Variants in ADAM17 observed in about 807,000 individuals in gnomAD.
ADAM17 encodes the protein disintegrin and metalloproteinase domain-containing protein 17.
A neutral mutation model predicts 96.7 loss-of-function variants in ADAM17; 39 were observed. The ratio of observed to expected loss-of-function variants is 0.40; its 90% confidence interval spans 0.31 to 0.53. The LOEUF is 0.53. Ranked by LOEUF, ADAM17 falls within the 20% of genes least tolerant of loss-of-function variation. The pLI is 0.44. For synonymous variants in ADAM17, 344 were observed against 359.2 expected (o/e 0.96, Z 0.48); for missense variants, 777 against 1,013.2 (o/e 0.77, Z 3.17).
intron 1 of ADAM17, among the ~76,000 whole-genome samples, chr2:9,549,522 T>G (rs1011096657): frequency 1.3e-5 from 2 of 152,092 alleles, no homozygotes; most frequent in Admixed American, 1.3e-4. Flanking sequence ...TGGAAACGTG[T>G]GGGTTTTTGT....
intron 4 of ADAM17, among the ~76,000 whole-genome samples, chr2:9,532,816 A>T (rs1313764072): frequency 6.6e-6 from 1 of 152,058 alleles, no homozygotes; most frequent in Non-Finnish European, 1.5e-5. Context: ...AATATTAGTT[A>T]TACTCATTTT....
chr2:9,551,521 G>A (rs1377965029), intron 1 of ADAM17, among the ~76,000 whole-genome samples: 4 of 152,082 alleles, frequency 2.6e-5, no homozygotes, highest in East Asian at 3.9e-4. Context: ...GTGCAGTGGC[G>A]CGATCTCGGC....
intron 1 of ADAM17, among the ~76,000 whole-genome samples, chr2:9,543,495 CTTTA>C (rs1665296458): frequency 6.6e-6 from 1 of 152,220 alleles, no homozygotes; most frequent in Non-Finnish European, 1.5e-5. Flanking sequence ...ACTTGAGTCT[CTTTA>C]AAAACTGTCT....
intron 1 of ADAM17, among the ~76,000 whole-genome samples, chr2:9,549,691 TA>T (rs887474994): frequency 3.6e-4 from 54 of 151,432 alleles, no homozygotes; most frequent in African/African-American, 1.3e-3. Flanking sequence ...TTTTTGTTTC[TA>T]TTTTTTTGTA....
At position 9,518,174 on chromosome 2, in the gene ADAM17, T is replaced by C. The variant is rs1203533000; in HGVS notation, c.1031A>G (p.Asp344Gly). 5 of 1,582,924 alleles carry C rather than the reference T, an allele frequency of 3.2e-6. No individual in the cohort carries two copies. The highest frequency in any genetic ancestry group is 4.3e-6 in the Non-Finnish European group (5 of 1,166,148). The change falls in exon 9 of 19, where the codon GAT (aspartate) becomes GGT (glycine). Residue 344 changes from aspartate (D) to glycine (G), a missense_variant. Around this residue, in one of 3 missense-constraint regions of ADAM17, gnomAD observed 446 missense variants for 664.7 expected, o/e 0.67. Transcript: ENST00000310823. ...LAHLFTYQDFDMGTLGLAYVG... is the reference protein window; with the variant it reads ...LAHLFTYQDFGMGTLGLAYVG... ...ATAAGCTAATCCAAGAGTTCCCATA[T>C]CAAAATCTTGGTATGTGAAAAGGTG...
intron 1 of ADAM17, among the ~76,000 whole-genome samples, chr2:9,544,115 C>T (rs370933486): frequency 4.6e-5 from 7 of 152,298 alleles, no homozygotes; most frequent in African/African-American, 1.7e-4. Flanking sequence ...TATCCTCTAC[C>T]CAATACCCTA....
chr2:9,554,394 C>T (rs989272605), intron 1 of ADAM17, among the ~76,000 whole-genome samples: 6 of 152,132 alleles, frequency 3.9e-5, no homozygotes, highest in African/African-American at 1.4e-4. Flanking sequence ...AACAAGATCC[C>T]TTGCCTTTCA....
chr2:9,548,785 G>C (rs926892109), intron 1 of ADAM17, among the ~76,000 whole-genome samples: 5 of 152,058 alleles, frequency 3.3e-5, no homozygotes, highest in Admixed American at 2.6e-4. Flanking sequence ...TGACATCAGC[G>C]GTAAAAAGTA....
In ADAM17 at chr2:9,536,750, G is replaced by C. The variant is rs761183996; in HGVS notation, c.309C>G (p.Asn103Lys). The C allele has an allele frequency of 6.2e-7, 1 of 1,613,930 alleles. No homozygotes were observed. ...GCCATTTTACAGTGTACTCGCTTTCGTTTTTACCATCCACCACCACGACCT... is the reference window on the plus strand; with the variant it reads ...GCCATTTTACAGTGTACTCGCTTTCCTTTTTACCATCCACCACCACGACCT... ...NFKVVVVDGK[N>K]ESEYTVKWQD... The change falls in exon 3 of 19, where the codon AAC becomes AAG. Residue 103 changes from asparagine (N) to lysine (K), a missense_variant. Coordinates refer to ENST00000310823, the MANE Select transcript of ADAM17 (RefSeq NM_003183.6).
At chr2:9,495,711 CA>C (rs367778507) in intron 14 of ADAM17, among the ~76,000 whole-genome samples, 54 of 140,388 alleles carry the variant, frequency 3.8e-4, no homozygotes, top group Admixed American at 6.4e-4. Flanking sequence ...GACTCCATCT[CA>C]AAAAAAAAAA....
intron 2 of ADAM17, among the ~76,000 whole-genome samples, chr2:9,539,712 T>C (rs1246219309): frequency 6.6e-6 from 1 of 152,238 alleles, no homozygotes; most frequent in African/African-American, 2.4e-5. Flanking sequence ...GTTTTTGTTC[T>C]TGTTTTAAAC....
chr2:9,523,386 C>T (rs763447367), intron 6 of ADAM17, 48 bp from the exon 7 acceptor site: 3 of 1,428,574 alleles, frequency 2.1e-6, no homozygotes, highest in Non-Finnish European at 2.9e-6. Flanking sequence ...CTCTTTACCT[C>T]TCCTGGCAAT....
At position 9,493,794 on chromosome 2, in the gene ADAM17, A is replaced by G. The variant is rs2124963410; in HGVS notation, c.1946T>C (p.Ile649Thr). The G allele has an allele frequency of 1.2e-6, 2 of 1,614,056 alleles. No homozygotes were observed. Among genetic ancestry groups the G allele is most frequent in the Non-Finnish European group, 8.5e-7 (1 of 1,179,982 alleles). ...GTCAATGAAATCCCAAAATCGTTCA[A>G]TTACATCCTGTACTCGTTTCTCACA... The part of the protein sequence containing the change: ...GKCEKRVQDV[I>T]ERFWDFIDQL... Residue 649 changes from isoleucine to threonine, a missense_variant, in exon 16 of 19, where the codon ATT (isoleucine) becomes ACT (threonine). Ile to Thr is a moderately conservative substitution (Grantham distance 89, BLOSUM62 -1). This residue lies in a region of ADAM17 where 446 missense variants were observed against 664.7 expected (regional missense o/e 0.67). Transcript: ENST00000310823.
At chr2:9,537,923 G>GA (rs1260603878) in intron 2 of ADAM17, among the ~76,000 whole-genome samples, 1 of 39,226 alleles carries the variant, frequency 2.5e-5, no homozygotes, top group African/African-American at 1.1e-4. Context: ...GAGGAGAGGG[G>GA]AGGAGAGGGG....
intron 12 of ADAM17, 86 bp downstream of exon 12, chr2:9,505,080 C>T: frequency 2.1e-6 from 3 of 1,418,712 alleles, no homozygotes; most frequent in Non-Finnish European, 2.0e-6. Context: ...TCAGTTGATT[C>T]TAAAGCCCCT....
intron 11 of ADAM17, among the ~76,000 whole-genome samples, chr2:9,507,508 CA>C (rs1663482061): frequency 6.6e-6 from 1 of 151,988 alleles, no homozygotes; most frequent in African/African-American, 2.4e-5. Context: ...CTCAAAAAAT[CA>C]TAATAAATAA....
Position 9,527,931 on chromosome 2 carries a change from A to G in ADAM17, c.474T>C (p.Asp158=), listed in dbSNP as rs562528833. ...NIEPLWRFVN[D]TKDKRMLVYK... is the part of the protein sequence containing the mutation. ...AAACTAACATTCTTTTGTCTTTGGT[A>G]TCATTAACAAATCTCCAAAGTGGCT... is the stretch of plus-strand genomic sequence containing the variant. The change falls in exon 5 of 19, where the codon GAT becomes GAC. Residue 158 remains aspartate, a synonymous_variant. Transcript: ENST00000310823. 3 of 1,568,188 alleles carry G rather than the reference A, an allele frequency of 1.9e-6. No individual in the cohort carries two copies. Among genetic ancestry groups the G allele is most frequent in the Non-Finnish European group, 1.7e-6 (2 of 1,158,052 alleles).
chr2:9,500,492 A>G (rs1662933949), intron 13 of ADAM17, among the ~76,000 whole-genome samples: 1 of 152,242 alleles, frequency 6.6e-6, no homozygotes, highest in Admixed American at 6.5e-5. Context: ...TGATGACTGC[A>G]TAAATCTGAA....
Position 9,527,803 on chromosome 2 carries a change from T to A in ADAM17, c.602A>T (p.Asp201Val). 3 of 1,585,112 alleles carry A rather than the reference T, an allele frequency of 1.9e-6. No individual in the cohort carries two copies. Among genetic ancestry groups the A allele is most frequent in the Non-Finnish European group, 2.6e-6 (3 of 1,169,254 alleles). ...NEELLPKGLV[D>V]REPPEELVHR... ...AGTCTTACCTTCAGGTGGTTCTCTG[T>A]CTACTAACCCTTTTGGGAGCAACTC... The change falls in exon 5 of 19, where the codon GAC becomes GTC. Residue 201 changes from aspartate to valine, a missense_variant. Physicochemically the swap from Asp to Val is radical, Grantham distance 152. This residue lies in a region of ADAM17 where 446 missense variants were observed against 664.7 expected (regional missense o/e 0.67). Coordinates refer to ENST00000310823, the MANE Select transcript of ADAM17 (RefSeq NM_003183.6).
Sources: gnomAD v4.1 joint callset for allele counts (sites outside exome capture counted in the v4.1 genomes callset) on GRCh38, gnomAD v4.1.1 for gene constraint, gnomAD v4.1.1 regional missense constraint, MANE v1.5 for transcripts, NCBI Gene and HGNC (gene_info 2026-07-23, HGNC 2026-07-21) for gene names.